MAX: variants seen among roughly 807,000 people sequenced by gnomAD.
MAX encodes the protein protein max.
Under a neutral mutation model 22.3 loss-of-function variants are expected in MAX, and 3 were observed. The ratio of observed to expected loss-of-function variants is 0.13; its 90% CI spans 0.06 to 0.35. MAX has a LOEUF of 0.35. Ranked by LOEUF, MAX falls within the 10% of genes least tolerant of loss-of-function variation. The pLI is 1.00. For missense variants in MAX, 119 were observed against 209.4 expected, an observed-to-expected ratio of 0.57 and a Z score of 2.66; for synonymous variants, 72 against 77.7, an observed-to-expected ratio of 0.93 and a Z score of 0.39.
rs145343493 is a variant in MAX, at chr14:65,035,713, T to A, written c.172-29429A>T. On this transcript the variant is annotated intron_variant, in intron 3 of 3. Coordinates refer to the MAX transcript ENST00000341653. Reference sequence around the variant, plus strand: ...ACCAGCTAATGTTTAAAAAAAAAATTTGTAGAGATGGGATCTGTCTGTGTT... The same window carrying A: ...ACCAGCTAATGTTTAAAAAAAAAATATGTAGAGATGGGATCTGTCTGTGTT... Among the ~76,000 whole-genome samples, 512 of 151,812 alleles carry A rather than the reference T, an allele frequency of 3.4e-3. 1 individual carries two copies. Among genetic ancestry groups the A allele is most frequent in the African/African-American group, 0.012 (486 of 41,350 alleles).
Position 65,031,028 on chromosome 14 carries a change from G to A in MAX, c.172-24744C>T, listed in dbSNP as rs559038972. ...TCACCATGTTGGCCAGGCTAGTCTC[G>A]AACTCCTGACCTCAAATAATCCACC... On this transcript the variant is annotated intron_variant, in intron 3 of 3. Coordinates refer to the MAX transcript ENST00000341653. This position sits in a 1 kb window ranked among gnomAD's most constrained non-coding sequence, Gnocchi z 4.6. Among the ~76,000 whole-genome samples, 3 of 151,910 alleles carry A rather than the reference G, an allele frequency of 2.0e-5. No homozygotes were observed. Among genetic ancestry groups the A allele is most frequent in the Non-Finnish European group, 4.4e-5 (3 of 67,972 alleles).
In MAX at chr14:65,078,394, C is replaced by G. The variant is rs763569713; in HGVS notation, c.172-358G>C. Among the ~76,000 whole-genome samples, 1 of 151,878 alleles carries G rather than the reference C, an allele frequency of 6.6e-6. No homozygotes were observed. The highest frequency in any genetic ancestry group is 1.5e-5 in the Non-Finnish European group (1 of 67,968). ...TTTTTTTGTATTTTTAGTAGAAATG[C>G]GGTTTCACCATGTTAGCCAGGCTGG... On this transcript the variant is annotated intron_variant, in intron 3 of 4. Transcript: ENST00000358664. This position sits in a 1 kb window ranked among gnomAD's most constrained non-coding sequence, Gnocchi z 6.4.
intron 3 of MAX, among the ~76,000 whole-genome samples, chr14:65,087,134 G>A (rs1595149596): frequency 1.3e-5 from 2 of 152,232 alleles, no homozygotes; most frequent in African/African-American, 4.8e-5. Context: ...CCTCTGCCTA[G>A]ATTTCAGAGG....
upstream of MAX, chr14:65,102,534 G>C: frequency 2.1e-6 from 3 of 1,450,596 alleles, no homozygotes; most frequent in Non-Finnish European, 2.7e-6. Flanking sequence ...CCGGATCAAC[G>C]GCGGCACGCA....
chr14:65,006,944 GA>G (rs1013524964), intron 3 of MAX, among the ~76,000 whole-genome samples: 2 of 150,768 alleles, frequency 1.3e-5, no homozygotes, highest in Non-Finnish European at 3.0e-5. Context: ...GTATGGGTGG[GA>G]AAAAAAAAGT....
chr14:65,036,211 G>A (rs142069114), intron 3 of MAX, among the ~76,000 whole-genome samples: 2 of 152,048 alleles, frequency 1.3e-5, no homozygotes, highest in East Asian at 3.9e-4. Context: ...GTCAAGTGGT[G>A]GGATACTGAA....
At chr14:65,010,610 C>T (rs1177676285) in intron 3 of MAX, among the ~76,000 whole-genome samples, 2 of 152,232 alleles carry the variant, frequency 1.3e-5, no homozygotes, top group Non-Finnish European at 2.9e-5. Flanking sequence ...AGTTTGTAAA[C>T]ACATACTGAC....
chr14:65,019,492 A>C (rs1349708905), intron 3 of MAX, among the ~76,000 whole-genome samples: 2 of 123,622 alleles, frequency 1.6e-5, no homozygotes, highest in Non-Finnish European at 3.3e-5. Flanking sequence ...TGTCTCAAAA[A>C]ACAAACAAAC....
rs2063081005 is a variant in MAX, at chr14:65,077,154, C to G, written c.296-491G>C. 3.2e-6 allele frequency: 2 copies of G among 615,602 alleles called. No homozygotes were observed. The highest frequency in any genetic ancestry group is 5.7e-6 in the Non-Finnish European group (2 of 349,214). 38.1% of individuals were successfully genotyped at this position (615,602 alleles called of 1,614,324 possible). A position where few individuals can be genotyped will look rare whatever the true frequency, so the allele number is the denominator to read the frequency against. On this transcript the variant is annotated intron_variant, in intron 4 of 4. Transcript: ENST00000358664. The surrounding 1 kb of genome is among the most constrained non-coding windows in gnomAD (Gnocchi z 6.3). ...AAGCTGGACACTTGGAAGCAAGTCA[C>G]CAATACACATAAAATACCTGGGCTT...
At chr14:65,053,433 T>A (rs754183678) in intron 3 of MAX, 379 of 1,171,634 alleles carry the variant, frequency 3.2e-4, no homozygotes, top group Non-Finnish European at 3.9e-4. Flanking sequence ...CAGAGCCAGA[T>A]CTCAAGAGCA....
rs2063590560 is a variant in MAX, at chr14:65,094,092, T to G, written c.64-277A>C. On this transcript the variant is annotated intron_variant, in intron 2 of 4. Transcript: ENST00000358664. Reference sequence around the variant, plus strand: ...AAAAGTTATTCAGGGGGACAAAGTGTGACTCTCCTGTAACATCAGTGGTCC... The same window carrying G: ...AAAAGTTATTCAGGGGGACAAAGTGGGACTCTCCTGTAACATCAGTGGTCC... 9.2e-6 allele frequency: 4 copies of G among 433,850 alleles called. No homozygotes were observed. The East Asian group carries it at 1.9e-4, about 21-fold the overall frequency. The allele number at this position is 433,850 out of a possible 1,614,324, so 26.9% of individuals were successfully genotyped here.
upstream of MAX, chr14:65,102,677 G>A (rs1262645245): frequency 4.1e-6 from 3 of 729,946 alleles, no homozygotes; most frequent in East Asian, 3.5e-4. Context: ...CCGCATCCAG[G>A]CGACGCCAGC....
chr14:65,056,780 T>C (rs2062745867), intron 3 of MAX, among the ~76,000 whole-genome samples: 1 of 152,230 alleles, frequency 6.6e-6, no homozygotes, highest in African/African-American at 2.4e-5. Flanking sequence ...AGCTTGTGAC[T>C]TGTCTTTTCA....
intron 3 of MAX, among the ~76,000 whole-genome samples, chr14:65,081,024 G>A (rs538625040): frequency 3.2e-4 from 48 of 152,328 alleles, no homozygotes; most frequent in African/African-American, 1.1e-3. Flanking sequence ...GTAATTTTTG[G>A]ATGAAGATAA....
chr14:65,014,702 T>TA lies in MAX; in HGVS notation c.172-8419dup, dbSNP rs1451845865. On this transcript the variant is annotated intron_variant, in intron 3 of 3. Coordinates refer to the MAX transcript ENST00000341653. This position sits in a 1 kb window ranked among gnomAD's most constrained non-coding sequence, Gnocchi z 5.1. ...AGTGGTGTGTGCCCGTAGTCCCAGC[T>TA]ACTTAGGAGGCTGAGGTGGGAGGAT... Among the ~76,000 whole-genome samples, 1 of 152,080 alleles carries TA rather than the reference T, an allele frequency of 6.6e-6. No homozygotes were observed. Among genetic ancestry groups the TA allele is most frequent in the Non-Finnish European group, 1.5e-5 (1 of 68,000 alleles).
Position 65,076,301 on chromosome 14 carries a change from A to C in MAX, c.*175T>G. On this transcript the variant is annotated 3_prime_UTR_variant, in exon 5 of 5. Transcript: ENST00000358664. This position sits in a 1 kb window ranked among gnomAD's most constrained non-coding sequence, Gnocchi z 6.6. ...AAATATACAGTGGAAATGGGGAAGG[A>C]GAACGAGAGCTGTTGTCCAAGAGCT... The C allele has an allele frequency of 6.8e-7, 1 of 1,469,004 alleles. No homozygotes were observed. The highest frequency in any genetic ancestry group is 9.0e-7 in the Non-Finnish European group (1 of 1,116,230). 91.0% of individuals were successfully genotyped at this position (1,469,004 alleles called of 1,614,324 possible). A position where few individuals can be genotyped will look rare whatever the true frequency, so the allele number is the denominator to read the frequency against.
intron 3 of MAX, among the ~76,000 whole-genome samples, chr14:65,086,484 T>C (rs1233779858): frequency 6.6e-6 from 1 of 152,196 alleles, no homozygotes; most frequent in Non-Finnish European, 1.5e-5. Flanking sequence ...TGGTCTCAGA[T>C]GGAGATGAGG....
In MAX at chr14:65,101,586, G is replaced by T; in HGVS notation, c.37-14C>A. 8.0e-7 allele frequency: 1 copy of T among 1,247,840 alleles called. No individual in the cohort carries two copies. The highest frequency in any genetic ancestry group is 1.1e-6 in the Non-Finnish European group (1 of 909,444). 77.3% of individuals were successfully genotyped at this position (1,247,840 alleles called of 1,614,324 possible). A position where few individuals can be genotyped will look rare whatever the true frequency, so the allele number is the denominator to read the frequency against. On this transcript the variant is annotated splice_polypyrimidine_tract_variant and intron_variant, in intron 1 of 4. Coordinates refer to ENST00000358664, the MANE Select transcript of MAX (RefSeq NM_002382.5). ...CGGTTGCTCTTCCTGGAATAAGAGA[G>T]AAAAAAAAAAATAGAAAATATAGAA...
At position 65,069,601 on chromosome 14, in the gene MAX, C is replaced by T. The variant is rs569828465; in HGVS notation, c.171+24107G>A. Among the ~76,000 whole-genome samples, 3 of 152,328 alleles carry T rather than the reference C, an allele frequency of 2.0e-5. No homozygotes were observed. The highest frequency in any genetic ancestry group is 1.9e-4 in the East Asian group (1 of 5,180). On this transcript the variant is annotated intron_variant, in intron 3 of 3. Coordinates refer to the MAX transcript ENST00000341653. This position sits in a 1 kb window ranked among gnomAD's most constrained non-coding sequence, Gnocchi z 4.6. Reference sequence around the variant, plus strand: ...ACTCACGCAGAGGCAACCCTGGAACCGCCCTATCAAGGGCACAGAGATGAA... The same window carrying T: ...ACTCACGCAGAGGCAACCCTGGAACTGCCCTATCAAGGGCACAGAGATGAA...
Sources: allele counts gnomAD v4.1 joint callset (sites outside exome capture counted in the v4.1 genomes callset), GRCh38; gene constraint gnomAD v4.1.1; non-coding constraint Gnocchi (gnomAD v3.1); transcripts MANE v1.5; gene names NCBI Gene and HGNC (gene_info 2026-07-23, HGNC 2026-07-21).